The following EAPP variants were observed in gnomAD, a reference collection of about 807,000 sequenced individuals.
EAPP encodes the protein E2F-associated phosphoprotein.
In EAPP, 38 loss-of-function variants were observed where a neutral mutation model predicts 34.3. The ratio of observed to expected loss-of-function variants is 1.11; its 90% CI spans 0.85 to 1.45. The LOEUF is 1.45. EAPP is among the 40% of genes most tolerant of loss of function. EAPP has a pLI of 0.00. For synonymous variants in EAPP, 113 were observed against 117.6 expected (o/e 0.96, Z 0.25); for missense variants, 338 against 343.7 (o/e 0.98, Z 0.13).
intron 1 of EAPP, among the ~76,000 whole-genome samples, chr14:34,536,939 G>C (rs960535302): frequency 6.6e-6 from 1 of 151,992 alleles, no homozygotes; most frequent in South Asian, 2.1e-4. Context: ...CTATAGTTTT[G>C]TAGTATGTTA....
In EAPP at chr14:34,524,685, T is replaced by TGTGTGTGTG; in HGVS notation, c.581+11_581+12insCACACACAC. 6.8e-6 allele frequency: 4 copies of TGTGTGTGTG among 585,650 alleles called. No homozygotes were observed. Among genetic ancestry groups the TGTGTGTGTG allele is most frequent in the Non-Finnish European group, 8.5e-6 (3 of 352,356 alleles). The allele number at this position is 585,650 out of a possible 1,614,324, so 36.3% of individuals were successfully genotyped here. A position where few individuals can be genotyped will look rare whatever the true frequency, so the allele number is the denominator to read the frequency against. On this transcript the variant is annotated intron_variant, in intron 5 of 5. Coordinates refer to ENST00000250454, the MANE Select transcript of EAPP (RefSeq NM_018453.4). ...TGTGTGTGTGTGTGTGTGTGTGTCC[T>TGTGTGTGTG]TCATCCATTACCTTTGGCAATCAAG...
Position 34,533,447 on chromosome 14 carries a change from C to T in EAPP, c.349G>A (p.Ala117Thr), listed in dbSNP as rs774247392. Residue 117 changes from alanine to threonine, a missense_variant, in exon 3 of 6, where the codon GCA (alanine) becomes ACA (threonine). Physicochemically the swap from Ala to Thr is moderately conservative, Grantham distance 58. Transcript: ENST00000250454. ...ACCTGGTAAATAGGTTACTTACCTG[C>T]TCTGTCTTCATCCTCGGAATCAGAA... ...FDSDSEDEDR[A>T]VQVTKKKKKK... is the part of the protein sequence containing the mutation. The T allele has an allele frequency of 2.5e-6, 4 of 1,610,584 alleles. No individual in the cohort carries two copies. In the South Asian group the frequency reaches 4.4e-5, roughly 18 times the overall value.
At chr14:34,530,648 A>C (rs1428335581) in intron 3 of EAPP, among the ~76,000 whole-genome samples, 4 of 152,154 alleles carry the variant, frequency 2.6e-5, no homozygotes, top group African/African-American at 9.7e-5. Context: ...CTCAAGGACT[A>C]AGTTCAAACA....
intron 1 of EAPP, 156 bp downstream of exon 1, chr14:34,539,399 C>A: frequency 1.3e-6 from 1 of 798,036 alleles, no homozygotes; most frequent in Middle Eastern, 2.2e-4. Context: ...CTGCGCGACC[C>A]CATCAGGAAA....
chr14:34,524,444 C>G lies in EAPP; in HGVS notation c.581+253G>C, dbSNP rs557364655. ...TCTATCTATCTATCTAGATCTAGAT[C>G]TAGATCTAGATACACACAAAAACTA... is the stretch of plus-strand genomic sequence containing the variant. On this transcript the variant is annotated intron_variant, in intron 5 of 5. Coordinates refer to ENST00000250454, the MANE Select transcript of EAPP (RefSeq NM_018453.4). 2.2e-4 allele frequency among the ~76,000 whole-genome samples: 34 copies of G among 151,862 alleles called. No individual in the cohort carries two copies. The South Asian group carries it at 6.7e-3, about 30-fold the overall frequency.
intron 1 of EAPP, 183 bp from the exon 2 acceptor site, chr14:34,536,458 A>ATTT (rs5807779): frequency 9.3e-4 from 120 of 129,546 alleles, no homozygotes; most frequent in African/African-American, 1.2e-3. Context: ...ATCTTCTTTA[A>ATTT]TTTTTTTTTT....
intron 4 of EAPP, among the ~76,000 whole-genome samples, chr14:34,527,300 A>AC: frequency 6.6e-6 from 1 of 151,994 alleles, no homozygotes. Flanking sequence ...AGACCTCTCT[A>AC]TTAAAAAAAT....
chr14:34,539,519 C>T (rs753854442), intron 1 of EAPP, 36 bp downstream of exon 1: 2 of 1,600,908 alleles, frequency 1.2e-6, no homozygotes, highest in East Asian at 4.5e-5. Context: ...GGCCTCGACC[C>T]AAATCCTCGG....
chr14:34,520,198 T>C (rs1384168333), intron 5 of EAPP, among the ~76,000 whole-genome samples: 2 of 144,684 alleles, frequency 1.4e-5, no homozygotes, highest in Non-Finnish European at 3.0e-5. Context: ...AGTTCTTTCT[T>C]TTCTCTCTTT....
Position 34,520,366 on chromosome 14 carries a change from C to T in EAPP, c.582-3780G>A, listed in dbSNP as rs545217271. Among the ~76,000 whole-genome samples the T allele has an allele frequency of 5.4e-4, 81 of 150,886 alleles. 1 individual carries two copies. Among genetic ancestry groups the T allele is most frequent in the Admixed American group, 3.0e-3 (45 of 15,084 alleles). The stretch of plus-strand genomic sequence containing the variant: ...CTGGGATTACAGGCACGCGCCAACA[C>T]GCCCAGCTAATTTTTGTATTTTTAA... On this transcript the variant is annotated intron_variant, in intron 5 of 5. Coordinates refer to ENST00000250454, the MANE Select transcript of EAPP (RefSeq NM_018453.4).
chr14:34,536,176 T>C lies in EAPP; in HGVS notation c.174A>G (p.Glu58=). Reference sequence around the variant, plus strand: ...CTTCCATCTCCTTTTCAAATTCATCTTCACTAGATGATTCACTTTCTCCGG... The same window carrying C: ...CTTCCATCTCCTTTTCAAATTCATCCTCACTAGATGATTCACTTTCTCCGG... ...CLTGESESSS[E]DEFEKEMEAE... is the part of the protein sequence containing the mutation. The change falls in exon 2 of 6, where the codon GAA becomes GAG. Residue 58 remains glutamate, a synonymous_variant. Transcript: ENST00000250454. The C allele has an allele frequency of 6.2e-7, 1 of 1,613,198 alleles. No homozygotes were observed. The highest frequency in any genetic ancestry group is 8.5e-7 in the Non-Finnish European group (1 of 1,179,694).
chr14:34,529,447 T>C lies in EAPP; in HGVS notation c.381A>G (p.Lys127=), dbSNP rs762750186. The change falls in exon 4 of 6, where the codon AAA becomes AAG. Residue 127 remains lysine (K), a synonymous_variant. Coordinates refer to ENST00000250454, the MANE Select transcript of EAPP (RefSeq NM_018453.4). ...CGTCATTTGTTGGAATCTTGTGTTGTTTCTTCTTTTTTTTCTTGGTCACCT... is the reference window on the plus strand; with the variant it reads ...CGTCATTTGTTGGAATCTTGTGTTGCTTCTTCTTTTTTTTCTTGGTCACCT... ...AVQVTKKKKK[K]QHKIPTNDEL... 5.0e-6 allele frequency: 8 copies of C among 1,612,514 alleles called. No homozygotes were observed. In the Admixed American group the frequency reaches 1.0e-4, roughly 20 times the overall value.
intron 3 of EAPP, among the ~76,000 whole-genome samples, chr14:34,532,295 TA>T (rs1594668331): frequency 6.6e-6 from 1 of 151,494 alleles, no homozygotes; most frequent in African/African-American, 2.4e-5. Context: ...CCGTTTCTCC[TA>T]AAAAAACAAA....
At position 34,538,207 on chromosome 14, in the gene EAPP, A is replaced by G. The variant is rs547784422; in HGVS notation, c.74+1348T>C. ...AGCCTGGCCAACGTGGTGAAAACCC[A>G]TCTCTACGAAAAATACAAAAAATAA... On this transcript the variant is annotated intron_variant, in intron 1 of 5. Transcript: ENST00000250454. Among the ~76,000 whole-genome samples, 24 of 152,108 alleles carry G rather than the reference A, an allele frequency of 1.6e-4. No homozygotes were observed. The South Asian group carries it at 5.0e-3, about 32-fold the overall frequency.
At chr14:34,529,108 C>T (rs1880192174) in intron 4 of EAPP, among the ~76,000 whole-genome samples, 1 of 151,972 alleles carries the variant, frequency 6.6e-6, no homozygotes, top group Admixed American at 6.6e-5. Flanking sequence ...TGCACTCCAG[C>T]CCAGGCGACA....
intron 1 of EAPP, among the ~76,000 whole-genome samples, chr14:34,537,046 T>C (rs1047815773): frequency 3.7e-4 from 57 of 152,272 alleles, no homozygotes; most frequent in African/African-American, 1.3e-3. Context: ...GGTCTCCCTG[T>C]GTTGCCCAGG....
At chr14:34,528,786 T>C (rs2138896364) in intron 4 of EAPP, among the ~76,000 whole-genome samples, 1 of 151,958 alleles carries the variant, frequency 6.6e-6, no homozygotes, top group Non-Finnish European at 1.5e-5. Context: ...TCAGTTTTTC[T>C]TGAGGGAGAG....
intron 3 of EAPP, among the ~76,000 whole-genome samples, chr14:34,530,211 AGTT>A (rs981614673): frequency 2.0e-5 from 3 of 151,634 alleles, no homozygotes; most frequent in African/African-American, 7.3e-5. Flanking sequence ...AAAAAAAAAA[AGTT>A]AAAAAAAACC....
chr14:34,521,930 G>A (rs771479563), intron 5 of EAPP, among the ~76,000 whole-genome samples: 4 of 151,148 alleles, frequency 2.6e-5, no homozygotes, highest in Non-Finnish European at 4.4e-5. Context: ...CACTGTGCCC[G>A]GCTGAGTTCC....
Sources: gnomAD v4.1 joint callset for allele counts (sites outside exome capture counted in the v4.1 genomes callset) on GRCh38, gnomAD v4.1.1 for gene constraint, MANE v1.5 for transcripts, NCBI Gene and HGNC (gene_info 2026-07-23, HGNC 2026-07-21) for gene names.